The following DYSF variants were observed in gnomAD, a reference collection of about 807,000 sequenced individuals.
DYSF encodes dystrophy-associated fer-1-like 1.
A neutral mutation model predicts 274.9 loss-of-function variants in DYSF; 212 were observed. The observed-to-expected ratio is 0.77, with a 90% CI of 0.69 to 0.86. The LOEUF (loss-of-function observed/expected upper bound fraction) is 0.86. DYSF is among the 40% of genes least tolerant of loss of function. The pLI is 0.00. For synonymous variants in DYSF, 1,091 were observed against 1,078.7 expected, an observed-to-expected ratio of 1.01 and a Z score of -0.22; for missense variants, 2,666 against 2,783.2, an observed-to-expected ratio of 0.96 and a Z score of 0.95.
At chr2:71,459,946 C>T (rs1476372936) in intron 1 of DYSF, among the ~76,000 whole-genome samples, 1 of 152,202 alleles carries the variant, frequency 6.6e-6, no homozygotes, top group African/African-American at 2.4e-5. Flanking sequence ...CAAGCCCTTC[C>T]TTCCAGGCTA....
At chr2:71,472,123 A>G (rs6725919) in intron 1 of DYSF, among the ~76,000 whole-genome samples, 44,599 of 152,148 alleles carry the variant, frequency 0.29, 6,677 homozygotes, top group Non-Finnish European at 0.32. Flanking sequence ...TATTTAGGTT[A>G]TATAAGTGTT....
chr2:71,516,379 G>A (rs1417453448), intron 9 of DYSF, 137 bp downstream of exon 9: 21 of 854,110 alleles, frequency 2.5e-5, no homozygotes, highest in East Asian at 7.9e-5. Context: ...TGTGCCTGTC[G>A]GTGTGTATGT....
chr2:71,482,907 G>A (rs1224184916), intron 3 of DYSF, among the ~76,000 whole-genome samples: 2 of 152,114 alleles, frequency 1.3e-5, no homozygotes, highest in South Asian at 2.1e-4. Flanking sequence ...TGCTCACAGG[G>A]GAGCCTTTGT....
chr2:71,520,373 C>T (rs545611883), intron 11 of DYSF, among the ~76,000 whole-genome samples, 165 bp downstream of exon 11: 2 of 152,290 alleles, frequency 1.3e-5, no homozygotes, highest in East Asian at 3.9e-4. Context: ...GTGAGACAGG[C>T]CCTCGGGAGG....
At chr2:71,517,679 C>T (rs557244408) in intron 10 of DYSF, among the ~76,000 whole-genome samples, 9 of 152,020 alleles carry the variant, frequency 5.9e-5, no homozygotes, top group African/African-American at 1.7e-4. Flanking sequence ...TCCTATCTTC[C>T]GACAGAAGCT....
At chr2:71,494,761 C>G (rs78444832) in intron 3 of DYSF, among the ~76,000 whole-genome samples, 5 of 152,222 alleles carry the variant, frequency 3.3e-5, no homozygotes, top group African/African-American at 1.2e-4. Flanking sequence ...GGTTGGGTGT[C>G]TCATCTCTTC....
rs79594855 is a variant in DYSF at position 71,494,004 on chromosome 2, G to T, written c.240-9210G>T. On this transcript the variant is annotated intron_variant, in intron 3 of 55. Coordinates refer to ENST00000410020, the MANE Select transcript of DYSF (RefSeq NM_001130987.2). Reference sequence around the variant, plus strand: ...GTGATTCTGGTCCAGGGTTGGACTGGTAATTAGTGGGCAGATGTTCTTGCA... The same window carrying T: ...GTGATTCTGGTCCAGGGTTGGACTGTTAATTAGTGGGCAGATGTTCTTGCA... Among the ~76,000 whole-genome samples, 218 of 152,296 alleles carry T rather than the reference G, an allele frequency of 1.4e-3. 7 individuals are homozygous for T. In the East Asian group the frequency reaches 0.041, roughly 28 times the overall value.
intron 10 of DYSF, among the ~76,000 whole-genome samples, chr2:71,519,527 C>G (rs2087004709): frequency 6.6e-6 from 1 of 152,262 alleles, no homozygotes; most frequent in South Asian, 2.1e-4. Context: ...ATCATCATCC[C>G]AATCATCTGT....
intron 33 of DYSF, among the ~76,000 whole-genome samples, chr2:71,599,809 G>A (rs2093501676): frequency 6.6e-6 from 1 of 152,230 alleles, no homozygotes. Context: ...GGTGAACAGG[G>A]GTGGGGGAAG....
At chr2:71,645,289 G>A (rs1244380934) in intron 42 of DYSF, among the ~76,000 whole-genome samples, 1 of 152,104 alleles carries the variant, frequency 6.6e-6, no homozygotes, top group Non-Finnish European at 1.5e-5. Context: ...AGCAGATTGG[G>A]GAGCCAGAAG....
At chr2:71,550,411 T>C (rs1164350174) in intron 17 of DYSF, among the ~76,000 whole-genome samples, 2 of 151,646 alleles carry the variant, frequency 1.3e-5, no homozygotes, top group African/African-American at 2.4e-5. Flanking sequence ...CTTTGTACAA[T>C]GTGTGTGTGG....
intron 3 of DYSF, among the ~76,000 whole-genome samples, chr2:71,498,146 T>C (rs1458119708): frequency 6.6e-6 from 1 of 152,182 alleles, no homozygotes; most frequent in Non-Finnish European, 1.5e-5. Context: ...CTTGTCATGC[T>C]TCAAGTCCCC....
intron 32 of DYSF, among the ~76,000 whole-genome samples, chr2:71,591,573 G>A (rs1319455172): frequency 1.3e-5 from 2 of 152,364 alleles, no homozygotes; most frequent in Admixed American, 1.3e-4. Flanking sequence ...TAGGTGAAGA[G>A]ACAGATACTC....
intron 41 of DYSF, among the ~76,000 whole-genome samples, chr2:71,622,918 TGTTA>T (rs2094136913): frequency 6.6e-6 from 1 of 152,244 alleles, no homozygotes; most frequent in Non-Finnish European, 1.5e-5. Flanking sequence ...CCTAGCTGAT[TGTTA>T]GTTTATTAAT....
Position 71,675,968 on chromosome 2 carries a change from A to T in DYSF, c.5884+1672A>T, listed in dbSNP as rs372421828. On this transcript the variant is annotated intron_variant, in intron 52 of 55. Coordinates refer to ENST00000410020, the MANE Select transcript of DYSF (RefSeq NM_001130987.2). ...TTGAAAAACCTAATATTCCAAGAAC[A>T]TCCTTTCTGGTCAGTAGGTATCGAT... Among the ~76,000 whole-genome samples, 6 of 152,122 alleles carry T rather than the reference A, an allele frequency of 3.9e-5. No homozygotes were observed. In the East Asian group the frequency reaches 1.2e-3, roughly 29 times the overall value.
At chr2:71,481,696 A>ATCCG (rs2082915931) in intron 2 of DYSF, among the ~76,000 whole-genome samples, 183 bp from the exon 3 acceptor site, 1 of 32,612 alleles carries the variant, frequency 3.1e-5, no homozygotes, top group Non-Finnish European at 1.0e-4. Context: ...GTCTTCATCT[A>ATCCG]TCCATCCATC....
intron 14 of DYSF, 70 bp from the exon 15 acceptor site, chr2:71,534,951 C>A: frequency 6.5e-7 from 1 of 1,536,764 alleles, no homozygotes; most frequent in Non-Finnish European, 9.0e-7. Flanking sequence ...CACTGGCTGG[C>A]ATGTGGCCCC....
intron 1 of DYSF, among the ~76,000 whole-genome samples, chr2:71,457,889 A>T (rs1039195910): frequency 1.3e-5 from 2 of 152,082 alleles, no homozygotes; most frequent in African/African-American, 4.8e-5. Flanking sequence ...ACTTCCAGGG[A>T]GGGGGTCATG....
At chr2:71,468,242 A>G (rs573603114) in intron 1 of DYSF, among the ~76,000 whole-genome samples, 2 of 152,330 alleles carry the variant, frequency 1.3e-5, no homozygotes, top group African/African-American at 4.8e-5. Flanking sequence ...AAATTCCCTA[A>G]GGACACTGGG....
Sources: gnomAD v4.1 joint callset for allele counts (sites outside exome capture counted in the v4.1 genomes callset) on GRCh38, gnomAD v4.1.1 for gene constraint, MANE v1.5 for transcripts, NCBI Gene and HGNC (gene_info 2026-07-23, HGNC 2026-07-21) for gene names.